ANKS1A: variants seen among roughly 807,000 people sequenced by gnomAD.
ANKS1A encodes ankyrin repeat and SAM domain-containing protein 1A.
ANKS1A carries 55 observed loss-of-function variants against 120.3 expected under a neutral mutation model. The ratio of observed to expected loss-of-function variants is 0.46; its 90% CI spans 0.37 to 0.57. ANKS1A has a LOEUF of 0.57. Ranked by LOEUF, ANKS1A falls within the 20% of genes least tolerant of loss-of-function variation. ANKS1A has a pLI of 0.00. For missense variants in ANKS1A, 1,123 were observed against 1,480.3 expected (o/e 0.76, Z 3.96); for synonymous variants, 590 against 604.7 (o/e 0.98, Z 0.36).
intron 13 of ANKS1A, among the ~76,000 whole-genome samples, chr6:35,075,477 GCGATCT>G (rs1310909786): frequency 6.7e-6 from 1 of 148,268 alleles, no homozygotes; most frequent in Admixed American, 6.8e-5. Flanking sequence ...GTGCAGTGGC[GCGATCT>G]CAGCTCACTG....
At position 35,085,567 on chromosome 6, in the gene ANKS1A, C is replaced by T. The variant is rs952441558; in HGVS notation, c.3133-199C>T. Reference sequence around the variant, plus strand: ...CCTGCCCTCCCCGCAGCCCAGCTCCCGGCCACATCCTGTGTAGAGCGGGAA... The same window carrying T: ...CCTGCCCTCCCCGCAGCCCAGCTCCTGGCCACATCCTGTGTAGAGCGGGAA... On this transcript the variant is annotated intron_variant, in intron 21 of 23. Coordinates refer to ENST00000360359, the MANE Select transcript of ANKS1A (RefSeq NM_015245.3). The surrounding 1 kb of genome is among the most constrained non-coding windows in gnomAD (Gnocchi z 4.7). Among the ~76,000 whole-genome samples the T allele has an allele frequency of 6.6e-6, 1 of 152,114 alleles. No homozygotes were observed. Among genetic ancestry groups the T allele is most frequent in the African/African-American group, 2.4e-5 (1 of 41,436 alleles).
chr6:34,960,901 T>C (rs959607884), intron 1 of ANKS1A, among the ~76,000 whole-genome samples: 1 of 152,172 alleles, frequency 6.6e-6, no homozygotes, highest in African/African-American at 2.4e-5. Context: ...ATCAAGTGAA[T>C]TGTCCAAGGT....
chr6:34,921,191 A>G (rs1205804946), intron 1 of ANKS1A, among the ~76,000 whole-genome samples: 2 of 152,242 alleles, frequency 1.3e-5, no homozygotes, highest in African/African-American at 2.4e-5. Context: ...TGATTGATAC[A>G]GAAAACTTAC....
rs199745560 is a variant in ANKS1A at position 35,084,047 on chromosome 6, G to T, written c.2995-74G>T. ...GCTGGGACAGAGAACAGTGACAATG[G>T]TAACAGGCTGGGGCAGGGGGTGCCA... On this transcript the variant is annotated intron_variant, in intron 20 of 23. Coordinates refer to ENST00000360359, the MANE Select transcript of ANKS1A (RefSeq NM_015245.3). The surrounding 1 kb of genome is among the most constrained non-coding windows in gnomAD (Gnocchi z 4.8). 224 of 1,585,310 alleles carry T rather than the reference G, an allele frequency of 1.4e-4. 1 individual carries two copies. The highest frequency in any genetic ancestry group is 1.9e-4 in the Non-Finnish European group (217 of 1,161,896).
At chr6:35,065,950 G>A (rs1581725268) in intron 13 of ANKS1A, among the ~76,000 whole-genome samples, 1 of 152,158 alleles carries the variant, frequency 6.6e-6, no homozygotes, top group East Asian at 1.9e-4. Flanking sequence ...TGAAGCTCCG[G>A]GTTAGTTAAG....
At chr6:34,965,434 CT>C (rs940105135) in intron 1 of ANKS1A, among the ~76,000 whole-genome samples, 1 of 152,246 alleles carries the variant, frequency 6.6e-6, no homozygotes, top group African/African-American at 2.4e-5. Flanking sequence ...TCACTGCAGC[CT>C]TCGCATTCCA....
At chr6:35,067,906 T>TC (rs1776861060) in intron 13 of ANKS1A, among the ~76,000 whole-genome samples, 1 of 120,116 alleles carries the variant, frequency 8.3e-6, no homozygotes, top group Non-Finnish European at 1.7e-5. Flanking sequence ...TTTTTTTTTT[T>TC]TGAGACGGAG....
At position 35,019,950 on chromosome 6, in the gene ANKS1A, T is replaced by G. The variant is rs149694903; in HGVS notation, c.2010+1891T>G. On this transcript the variant is annotated intron_variant, in intron 11 of 23. Coordinates refer to ENST00000360359, the MANE Select transcript of ANKS1A (RefSeq NM_015245.3). ...TGACATGGAATTAAAAGACTGAGTCTTATGGTTAAAACCAGATTGAAGCTG... is the reference window on the plus strand; with the variant it reads ...TGACATGGAATTAAAAGACTGAGTCGTATGGTTAAAACCAGATTGAAGCTG... 4.3e-3 allele frequency among the ~76,000 whole-genome samples: 658 copies of G among 152,126 alleles called. 6 individuals carry two copies. Among genetic ancestry groups the G allele is most frequent in the African/African-American group, 0.015 (610 of 41,554 alleles).
chr6:35,068,417 C>T (rs902428611), intron 13 of ANKS1A, among the ~76,000 whole-genome samples: 6 of 152,032 alleles, frequency 3.9e-5, no homozygotes, highest in Admixed American at 1.3e-4. Context: ...CACATCTGCC[C>T]GGGGTTTGTT....
At chr6:35,054,199 A>G (rs1307908373) in intron 12 of ANKS1A, 34 bp downstream of exon 12, 8 of 1,605,124 alleles carry the variant, frequency 5.0e-6, no homozygotes, top group Non-Finnish European at 6.0e-6. Flanking sequence ...CCCCACAGAA[A>G]CTGGCAGTCT....
chr6:35,033,230 C>A (rs893734737), intron 11 of ANKS1A, among the ~76,000 whole-genome samples: 1 of 152,170 alleles, frequency 6.6e-6, no homozygotes, highest in Admixed American at 6.5e-5. Context: ...TGGTATATTT[C>A]TGTTAAAATA....
At chr6:35,066,051 C>T (rs1016641008) in intron 13 of ANKS1A, among the ~76,000 whole-genome samples, 3 of 152,186 alleles carry the variant, frequency 2.0e-5, no homozygotes, top group Admixed American at 2.0e-4. Context: ...GGGTTCCCCT[C>T]CAGGTCCCCG....
intron 1 of ANKS1A, among the ~76,000 whole-genome samples, chr6:34,892,212 G>C (rs1174828143): frequency 1.3e-5 from 2 of 152,188 alleles, no homozygotes; most frequent in Non-Finnish European, 2.9e-5. Flanking sequence ...ACTCCTAGGG[G>C]CAGGGAGGAT....
rs759648518 is a variant in ANKS1A at position 34,985,294 on chromosome 6, C to T, written c.1209+16C>T. The T allele has an allele frequency of 5.0e-6, 8 of 1,609,678 alleles. No individual in the cohort carries two copies. The South Asian group carries it at 8.8e-5, about 18-fold the overall frequency. ...AGTGAGGCCTGTATGTGACCCGGGGCTTACACCTCCTGGGGGCTGTGTTGG... is the reference window on the plus strand; with the variant it reads ...AGTGAGGCCTGTATGTGACCCGGGGTTTACACCTCCTGGGGGCTGTGTTGG... On this transcript the variant is annotated intron_variant, in intron 8 of 23. Coordinates refer to ENST00000360359, the MANE Select transcript of ANKS1A (RefSeq NM_015245.3).
chr6:35,077,475 G>A (rs1037335769), intron 13 of ANKS1A, among the ~76,000 whole-genome samples: 5 of 152,246 alleles, frequency 3.3e-5, no homozygotes, highest in Admixed American at 6.5e-5. Flanking sequence ...AAAATGCAGT[G>A]TGCAGGCACA....
intron 1 of ANKS1A, among the ~76,000 whole-genome samples, chr6:34,901,963 A>G (rs1162265248): frequency 1.3e-5 from 2 of 152,362 alleles, no homozygotes; most frequent in East Asian, 3.9e-4. Flanking sequence ...TATGGGTCCT[A>G]TATACCTAAC....
chr6:34,908,054 A>G (rs1261337211), intron 1 of ANKS1A, among the ~76,000 whole-genome samples: 4 of 152,208 alleles, frequency 2.6e-5, no homozygotes, highest in African/African-American at 4.8e-5. Flanking sequence ...AGTGGCTGGA[A>G]TGTAGTAATG....
intron 3 of ANKS1A, among the ~76,000 whole-genome samples, chr6:34,976,777 C>CGT (rs34002253): frequency 0.048 from 7,186 of 149,350 alleles, 267 homozygotes; most frequent in African/African-American, 0.11. Flanking sequence ...TGTGTGTGTG[C>CGT]GTGTGTGTGT....
Position 34,983,171 on chromosome 6 carries a change from A to T in ANKS1A, c.867A>T (p.Glu289Asp), listed in dbSNP as rs1362373545. The T allele has an allele frequency of 6.2e-7, 1 of 1,614,212 alleles. No individual in the cohort carries two copies. Among genetic ancestry groups the T allele is most frequent in the Admixed American group, 1.7e-5 (1 of 60,030 alleles). Residue 289 changes from glutamate (E) to aspartate (D), a missense_variant, in exon 6 of 24, where the codon GAA becomes GAT. Glu to Asp is a conservative substitution (Grantham distance 45). Transcript: ENST00000360359. Reference sequence around the variant, plus strand: ...TGACTGCCCTAGACACTGTTCGGGAACTGCCTTCTCAAAAGAGCCAGCAAA... The same window carrying T: ...TGACTGCCCTAGACACTGTTCGGGATCTGCCTTCTCAAAAGAGCCAGCAAA... Reference protein sequence around the residue: ...HGLTALDTVRELPSQKSQQIA... With the variant: ...HGLTALDTVRDLPSQKSQQIA...
Sources: gnomAD v4.1 joint callset for allele counts (sites outside exome capture counted in the v4.1 genomes callset) on GRCh38, gnomAD v4.1.1 for gene constraint, Gnocchi (gnomAD v3.1) non-coding constraint, MANE v1.5 for transcripts, NCBI Gene and HGNC (gene_info 2026-07-23, HGNC 2026-07-21) for gene names.